ABCA5: variants seen among roughly 807,000 people sequenced by gnomAD.
The protein encoded by ABCA5 is cholesterol transporter ABCA5.
In ABCA5, 163 loss-of-function variants were observed where a neutral mutation model predicts 206.0. The observed-to-expected ratio is 0.79, with a 90% CI of 0.70 to 0.90. The LOEUF (loss-of-function observed/expected upper bound fraction) is 0.90. Ranked by LOEUF, ABCA5 falls within the 40% of genes least tolerant of loss-of-function variation. The pLI is 0.00. For synonymous variants in ABCA5, 609 were observed against 613.8 expected, an observed-to-expected ratio of 0.99 and a Z score of 0.11; for missense variants, 1,859 against 1,912.9, an observed-to-expected ratio of 0.97 and a Z score of 0.53.
chr17:69,291,262 C>T lies in ABCA5; in HGVS notation c.1560G>A (p.Lys520=). 1.2e-6 allele frequency: 2 copies of T among 1,611,296 alleles called. No individual in the cohort carries two copies. Among genetic ancestry groups the T allele is most frequent in the African/African-American group, 2.7e-5 (2 of 74,932 alleles). The change falls in exon 12 of 39, where the codon AAG becomes AAA. Residue 520 remains lysine, a synonymous_variant. Coordinates refer to ENST00000392676, the MANE Select transcript of ABCA5 (RefSeq NM_172232.4). The stretch of plus-strand genomic sequence containing the variant: ...CACAAAGAATATTCATCAATGTACT[C>T]TTTCCTGTTCCACTGTGGCCAAGTA... ...TALLGHSGTG[K]STLMNILCGL... is the part of the protein sequence containing the mutation.
rs993521442 is a variant in ABCA5 at position 69,326,999 on chromosome 17, G to C, written c.-16+53C>G. On this transcript the variant is annotated intron_variant, in intron 1 of 38. Transcript: ENST00000392676. The surrounding 1 kb of genome is among the most constrained non-coding windows in gnomAD (Gnocchi z 4.8). ...TCGTCCCCTCAACTCCCCCAGGGAC[G>C]GCTGTCCCAGGCTAGCCTCAAGCGC... 3.2e-5 allele frequency: 5 copies of C among 155,864 alleles called. No homozygotes were observed. The highest frequency in any genetic ancestry group is 2.0e-4 in the Admixed American group (3 of 15,332). The allele number at this position is 155,864 out of a possible 1,614,324, so 9.7% of individuals were successfully genotyped here.
At chr17:69,309,514 A>G in intron 3 of ABCA5, 91 bp from the exon 4 acceptor site, 4 of 981,414 alleles carry the variant, frequency 4.1e-6, no homozygotes, top group Non-Finnish European at 5.7e-6. Flanking sequence ...TGAATGGAAT[A>G]TTTTATAAAC....
At chr17:69,282,153 T>C (rs1427148071) in intron 18 of ABCA5, among the ~76,000 whole-genome samples, 1 of 152,188 alleles carries the variant, frequency 6.6e-6, no homozygotes, top group Non-Finnish European at 1.5e-5. Flanking sequence ...AACTACCTTT[T>C]TTGTCCTCAT....
intron 10 of ABCA5, among the ~76,000 whole-genome samples, chr17:69,295,608 A>G (rs1257013245): frequency 6.6e-6 from 1 of 152,318 alleles, no homozygotes. Context: ...CTGCATCTTC[A>G]CATTTGTTTA....
At position 69,247,478 on chromosome 17, in the gene ABCA5, A is replaced by G. The variant is rs564496336; in HGVS notation, c.*59T>C. ...ATTCCAATAAAAAACTTTTTAAACC[A>G]AAGTTAAAATTAAGTGAAAAAGAAA... On this transcript the variant is annotated 3_prime_UTR_variant, in exon 39 of 39. Transcript: ENST00000392676. The G allele has an allele frequency of 2.4e-6, 3 of 1,265,090 alleles. No homozygotes were observed. Among genetic ancestry groups the G allele is most frequent in the Non-Finnish European group, 3.3e-6 (3 of 908,866 alleles). 78.4% of individuals were successfully genotyped at this position (1,265,090 alleles called of 1,614,324 possible).
chr17:69,284,003 A>G lies in ABCA5; in HGVS notation c.2342T>C (p.Leu781Ser). 1.2e-6 allele frequency: 2 copies of G among 1,608,056 alleles called. No homozygotes were observed. Among genetic ancestry groups the G allele is most frequent in the Non-Finnish European group, 1.7e-6 (2 of 1,177,408 alleles). Residue 781 changes from leucine to serine, a missense_variant, in exon 18 of 39, where the codon TTG becomes TCG. By Grantham distance (145) the Leu-to-Ser change is moderately radical. Coordinates refer to ENST00000392676, the MANE Select transcript of ABCA5 (RefSeq NM_172232.4). ...VISYGVSMTT[L>S]EDVFLKLEVE... ...TTCTAGCTTTAAAAATACGTCTTCCAAAGTCGTCATGGAAACACCATAAGA... is the reference window on the plus strand; with the variant it reads ...TTCTAGCTTTAAAAATACGTCTTCCGAAGTCGTCATGGAAACACCATAAGA...
chr17:69,287,054 T>C (rs902443796), intron 15 of ABCA5, among the ~76,000 whole-genome samples: 3 of 152,186 alleles, frequency 2.0e-5, no homozygotes, highest in African/African-American at 7.2e-5. Context: ...GTGCCTAAAC[T>C]GTACAAACAA....
intron 3 of ABCA5, among the ~76,000 whole-genome samples, chr17:69,311,490 TTTTG>T (rs892614970): frequency 6.6e-6 from 1 of 152,114 alleles, no homozygotes; most frequent in Non-Finnish European, 1.5e-5. Context: ...TCTTTTTTTG[TTTTG>T]TTTTTTGTTT....
chr17:69,268,546 C>G (rs988061575), intron 22 of ABCA5, among the ~76,000 whole-genome samples: 1 of 151,886 alleles, frequency 6.6e-6, no homozygotes, highest in Non-Finnish European at 1.5e-5. Flanking sequence ...TTAACTCCCA[C>G]AGGCCCCAAT....
At chr17:69,318,262 T>A (rs994045494) in intron 1 of ABCA5, among the ~76,000 whole-genome samples, 2 of 152,030 alleles carry the variant, frequency 1.3e-5, no homozygotes, top group Non-Finnish European at 2.9e-5. Context: ...GCTCAGCTAA[T>A]TTTTGTATTT....
chr17:69,306,815 C>A lies in ABCA5; in HGVS notation c.698G>T (p.Gly233Val). 4 of 1,592,440 alleles carry A rather than the reference C, an allele frequency of 2.5e-6. No individual in the cohort carries two copies. The highest frequency in any genetic ancestry group is 2.6e-6 in the Non-Finnish European group (3 of 1,169,270). ...IYLVIAFSPF[G>V]YFLAIHIVAE... ...TACGATATGAATTGCCAAAAAGTATCCAAAAGGTGAAAATGCTATAACTAG... is the reference window on the plus strand; with the variant it reads ...TACGATATGAATTGCCAAAAAGTATACAAAAGGTGAAAATGCTATAACTAG... The change falls in exon 6 of 39, where the codon GGA becomes GTA. Residue 233 changes from glycine to valine, a missense_variant. Gly to Val is a moderately radical substitution (Grantham distance 109, BLOSUM62 -3). Transcript: ENST00000392676.
intron 20 of ABCA5, among the ~76,000 whole-genome samples, chr17:69,271,984 T>C (rs971394148): frequency 2.6e-5 from 4 of 152,316 alleles, no homozygotes; most frequent in South Asian, 2.1e-4. Context: ...GTCTGCCGAA[T>C]AGATGCAGTT....
intron 37 of ABCA5, chr17:69,249,703 T>C: frequency 1.7e-6 from 1 of 578,902 alleles, no homozygotes; most frequent in South Asian, 3.8e-5. Context: ...GAATAAAAGG[T>C]TATCTTCTTA....
At position 69,264,903 on chromosome 17, in the gene ABCA5, G is replaced by T; in HGVS notation, c.3147C>A (p.Ile1049=). The change falls in exon 24 of 39, where the codon ATC becomes ATA. Residue 1049 remains isoleucine, a splice_region_variant and synonymous_variant. Coordinates refer to ENST00000392676, the MANE Select transcript of ABCA5 (RefSeq NM_172232.4). The stretch of plus-strand genomic sequence containing the variant: ...AAAGTTTAAGTTGAGTATAAGCTTT[G>T]ATCTAAAAAAAATGAAAAACAATTT... ...FAMENAENHK[I]KAYTQLKLSG... is the part of the protein sequence containing the mutation. 1 of 1,481,272 alleles carries T rather than the reference G, an allele frequency of 6.8e-7. No homozygotes were observed. Among genetic ancestry groups the T allele is most frequent in the South Asian group, 1.5e-5 (1 of 65,050 alleles). The allele number at this position is 1,481,272 out of a possible 1,614,324, so 91.8% of individuals were successfully genotyped here.
At chr17:69,323,437 C>T (rs1420735863) in intron 1 of ABCA5, among the ~76,000 whole-genome samples, 1 of 152,186 alleles carries the variant, frequency 6.6e-6, no homozygotes, top group African/African-American at 2.4e-5. Flanking sequence ...CCTCATCCTT[C>T]AGGAGTCTGT....
At chr17:69,269,131 T>C (rs2075243008) in intron 22 of ABCA5, among the ~76,000 whole-genome samples, 1 of 152,216 alleles carries the variant, frequency 6.6e-6, no homozygotes, top group Non-Finnish European at 1.5e-5. Context: ...TATGATTATA[T>C]GTCAGTGTTG....
At chr17:69,284,725 T>A (rs74395825) in intron 17 of ABCA5, among the ~76,000 whole-genome samples, 6,468 of 152,290 alleles carry the variant, frequency 0.042, 186 homozygotes, top group Non-Finnish European at 0.066. Flanking sequence ...TCATATTTGT[T>A]TCTGTATTCA....
intron 9 of ABCA5, among the ~76,000 whole-genome samples, chr17:69,297,768 G>A (rs753417058): frequency 6.6e-5 from 10 of 152,164 alleles, no homozygotes; most frequent in Non-Finnish European, 1.3e-4. Flanking sequence ...ACTTGAATGG[G>A]CACCATCTTA....
At chr17:69,317,937 T>C (rs1439791211) in intron 1 of ABCA5, 2 of 152,160 alleles carry the variant, frequency 1.3e-5, no homozygotes, top group African/African-American at 2.4e-5. Flanking sequence ...ATTGAGAAGA[T>C]AGCAGGGGAA....
Sources: allele counts gnomAD v4.1 joint callset (sites outside exome capture counted in the v4.1 genomes callset), GRCh38; gene constraint gnomAD v4.1.1; non-coding constraint Gnocchi (gnomAD v3.1); transcripts MANE v1.5; gene names NCBI Gene and HGNC (gene_info 2026-07-23, HGNC 2026-07-21).